The following PCDHGA6 variants were observed in gnomAD, a reference collection of about 807,000 sequenced individuals.
PCDHGA6 encodes protocadherin gamma subfamily A, 6.
In PCDHGA6, 41 loss-of-function variants were observed where a neutral mutation model predicts 60.6. The observed-to-expected ratio is 0.68, with a 90% CI of 0.53 to 0.88. PCDHGA6 has a LOEUF of 0.88. Among genes scored for constraint, PCDHGA6 ranks in the 40% least tolerant of loss-of-function variants. The probability of loss-of-function intolerance (pLI) is 0.00; values close to 1 mark genes in which losing one functional copy is unlikely to be tolerated. For synonymous variants in PCDHGA6, 594 were observed against 524.4 expected, an observed-to-expected ratio of 1.13 and a Z score of -1.81; for missense variants, 1,312 against 1,203.0, an observed-to-expected ratio of 1.09 and a Z score of -1.34.
At chr5:141,393,867 T>G in intron 1 of PCDHGA6, 1 of 1,614,000 alleles carries the variant, frequency 6.2e-7, no homozygotes. Context: ...CATTACGTCT[T>G]TGTTTAGCCC....
intron 1 of PCDHGA6, chr5:141,403,283 G>A: frequency 6.2e-7 from 1 of 1,613,914 alleles, no homozygotes; most frequent in South Asian, 1.1e-5. Context: ...AGTCCTGGTT[G>A]AAGACAGAGT....
At chr5:141,408,248 G>A in intron 1 of PCDHGA6, 1 of 1,593,412 alleles carries the variant, frequency 6.3e-7, no homozygotes, top group East Asian at 2.3e-5. Context: ...CCCGCGGCAG[G>A]TGCTATTTCC....
chr5:141,419,397 T>G (rs1280096838), intron 1 of PCDHGA6: 3 of 1,613,312 alleles, frequency 1.9e-6, no homozygotes. Flanking sequence ...CAGAGCGGGG[T>G]GGTGTTCGCG....
chr5:141,477,169 G>A lies in PCDHGA6; in HGVS notation c.2425-17638G>A. 6.2e-7 allele frequency: 1 copy of A among 1,614,198 alleles called. No individual in the cohort carries two copies. The highest frequency in any genetic ancestry group is 8.5e-7 in the Non-Finnish European group (1 of 1,180,042). The stretch of plus-strand genomic sequence containing the variant: ...TGGATGTGAATGACAACGCCCCGGA[G>A]ATCACAGTCACCTCCGTGTACAGCC... On this transcript the variant is annotated intron_variant, in intron 1 of 3. Transcript: ENST00000517434. The surrounding 1 kb of genome is among the most constrained non-coding windows in gnomAD (Gnocchi z 4.9).
At chr5:141,447,149 T>C (rs2098528211) in intron 1 of PCDHGA6, among the ~76,000 whole-genome samples, 1 of 152,212 alleles carries the variant, frequency 6.6e-6, no homozygotes, top group African/African-American at 2.4e-5. Flanking sequence ...TTTGTTTTTG[T>C]TTTTGTTTAA....
chr5:141,410,847 G>GTATTTT, intron 1 of PCDHGA6: 1 of 158,250 alleles, frequency 6.3e-6, no homozygotes, highest in Non-Finnish European at 1.0e-5. Flanking sequence ...TTTTGTCTTT[G>GTATTTT]TCTTTTTTTT....
chr5:141,444,240 C>A (rs1017550385), intron 1 of PCDHGA6, among the ~76,000 whole-genome samples: 1 of 128,688 alleles, frequency 7.8e-6, no homozygotes, highest in Admixed American at 9.7e-5. Flanking sequence ...GGCATGCTCT[C>A]GGCTCACTGC....
chr5:141,398,689 G>T, intron 1 of PCDHGA6: 1 of 1,613,766 alleles, frequency 6.2e-7, no homozygotes, highest in Non-Finnish European at 8.5e-7. Context: ...GAAACAGGAT[G>T]GTAGTAAATA....
chr5:141,415,740 G>GTTTTTTTTTTTTTTTTTTTTT (rs57426385), intron 1 of PCDHGA6: 5 of 625,024 alleles, frequency 8.0e-6, no homozygotes, highest in Non-Finnish European at 8.5e-6. Flanking sequence ...GTTTATTAAG[G>GTTTTTTTTTTTTTTTTTTTTT]TTTTTTTTTT....
At position 141,375,187 on chromosome 5, in the gene PCDHGA6, T is replaced by A; in HGVS notation, c.1104T>A (p.Leu368=). 1 of 1,613,994 alleles carries A rather than the reference T, an allele frequency of 6.2e-7. No homozygotes were observed. Among genetic ancestry groups the A allele is most frequent in the Non-Finnish European group, 8.5e-7 (1 of 1,179,894 alleles). The change falls in exon 1 of 4, where the codon CTT becomes CTA. Residue 368 remains leucine, a synonymous_variant. Transcript: ENST00000517434. ...ESAPPGTVIA[L]FQVFDRDSGL... ...CACCTCCAGGAACAGTAATCGCCCT[T>A]TTTCAAGTGTTCGATCGAGACTCTG...
chr5:141,388,773 G>C, intron 1 of PCDHGA6: 4 of 1,613,808 alleles, frequency 2.5e-6, no homozygotes, highest in Non-Finnish European at 3.4e-6. Context: ...CTCTAACACC[G>C]GGGAAATTAC....
chr5:141,420,405 T>C (rs1188012975), intron 1 of PCDHGA6: 7 of 1,241,232 alleles, frequency 5.6e-6, no homozygotes, highest in East Asian at 5.7e-5. Flanking sequence ...AAATTTATGG[T>C]TATCATTATT....
intron 1 of PCDHGA6, chr5:141,430,838 G>A (rs866767896): frequency 2.6e-6 from 4 of 1,562,908 alleles, no homozygotes; most frequent in Non-Finnish European, 3.5e-6. Context: ...GTGGGAGACC[G>A]GATGCACCCA....
chr5:141,410,785 G>T, intron 1 of PCDHGA6: 1 of 804,598 alleles, frequency 1.2e-6, no homozygotes, highest in Non-Finnish European at 1.8e-6. Context: ...TATGTATTTG[G>T]TTCATAAGTT....
intron 1 of PCDHGA6, chr5:141,428,239 G>T (rs1183885220): frequency 3.0e-6 from 3 of 997,526 alleles, no homozygotes; most frequent in Non-Finnish European, 4.6e-6. Flanking sequence ...CCTGCAGGAG[G>T]CACTGCCAGA....
At chr5:141,430,771 G>A (rs772862341) in intron 1 of PCDHGA6, 37 of 1,506,734 alleles carry the variant, frequency 2.5e-5, no homozygotes, top group Non-Finnish European at 2.7e-5. Flanking sequence ...TGATTCCTGC[G>A]CGACTGCACC....
chr5:141,478,164 C>G lies in PCDHGA6; in HGVS notation c.2425-16643C>G, dbSNP rs202185809. On this transcript the variant is annotated intron_variant, in intron 1 of 3. Transcript: ENST00000517434. Reference sequence around the variant, plus strand: ...GCCGAGTTCCCCTCTGGCTCTGCCCCCCGGGAGCAGAAAAAAAATCTCACC... The same window carrying G: ...GCCGAGTTCCCCTCTGGCTCTGCCCGCCGGGAGCAGAAAAAAAATCTCACC... The G allele has an allele frequency of 1.0e-4, 167 of 1,613,890 alleles. No homozygotes were observed. Among genetic ancestry groups the G allele is most frequent in the Non-Finnish European group, 1.3e-4 (157 of 1,180,048 alleles).
chr5:141,399,590 T>G, intron 1 of PCDHGA6: 1 of 1,613,972 alleles, frequency 6.2e-7, no homozygotes, highest in East Asian at 2.2e-5. Context: ...TACTCTATCA[T>G]GGCCAGCGAC....
intron 3 of PCDHGA6, among the ~76,000 whole-genome samples, chr5:141,507,617 C>T (rs1366723844): frequency 6.6e-6 from 1 of 152,278 alleles, no homozygotes; most frequent in African/African-American, 2.4e-5. Context: ...GTATATTTAG[C>T]TGTTGTGGCC....
Sources: gnomAD v4.1 joint callset for allele counts (sites outside exome capture counted in the v4.1 genomes callset) on GRCh38, gnomAD v4.1.1 for gene constraint, Gnocchi (gnomAD v3.1) non-coding constraint, MANE v1.5 for transcripts, NCBI Gene and HGNC (gene_info 2026-07-23, HGNC 2026-07-21) for gene names.